The following PLD1 variants were observed in gnomAD, a reference collection of about 807,000 sequenced individuals.
The protein encoded by PLD1 is choline phosphatase 1.
A neutral mutation model predicts 137.1 loss-of-function variants in PLD1; 112 were observed. The ratio of observed to expected loss-of-function variants is 0.82; its 90% CI spans 0.70 to 0.96. PLD1 has a LOEUF of 0.96. Ranked by LOEUF, PLD1 falls within the 40% of genes least tolerant of loss-of-function variation. The pLI is 0.00. For synonymous variants in PLD1, 431 were observed against 454.7 expected, an observed-to-expected ratio of 0.95 and a Z score of 0.66; for missense variants, 1,321 against 1,342.0, an observed-to-expected ratio of 0.98 and a Z score of 0.24.
Position 171,714,006 on chromosome 3 carries a change from T to C in PLD1, c.798A>G (p.Lys266=), listed in dbSNP as rs776362365. The C allele has an allele frequency of 1.9e-6, 3 of 1,608,998 alleles. No individual in the cohort carries two copies. In the Admixed American group the frequency reaches 5.0e-5, roughly 27 times the overall value. ...CGAAGGCAATGGCACCGCTGTCTGGTTTCATATACAATAAAAAGGAATCTT... is the reference window on the plus strand; with the variant it reads ...CGAAGGCAATGGCACCGCTGTCTGGCTTCATATACAATAAAAAGGAATCTT... The part of the protein sequence containing the change: ...IVKDSFLLYM[K]PDSGAIAFVL... Residue 266 remains lysine (K), a synonymous_variant, in exon 9 of 27, where the codon AAA becomes AAG. Coordinates refer to ENST00000351298, the MANE Select transcript of PLD1 (RefSeq NM_002662.5).
At chr3:171,721,411 T>C (rs907713951) in intron 8 of PLD1, 2 of 152,264 alleles carry the variant, frequency 1.3e-5, no homozygotes, top group African/African-American at 4.8e-5. Flanking sequence ...GGAGACAGTG[T>C]AGAGACTGCT....
At chr3:171,658,265 T>C (rs1737378415) in intron 21 of PLD1, among the ~76,000 whole-genome samples, 1 of 152,166 alleles carries the variant, frequency 6.6e-6, no homozygotes, top group African/African-American at 2.4e-5. Flanking sequence ...TGGCAGTTCC[T>C]CAAAATGTTA....
intron 21 of PLD1, among the ~76,000 whole-genome samples, chr3:171,650,163 G>A (rs1213014803): frequency 6.6e-6 from 1 of 152,168 alleles, no homozygotes; most frequent in African/African-American, 2.4e-5. Context: ...GATTCTCTAA[G>A]CTGAGGCAGG....
intron 6 of PLD1, among the ~76,000 whole-genome samples, chr3:171,731,705 G>A (rs1278100520): frequency 2.0e-5 from 3 of 151,996 alleles, no homozygotes; most frequent in Non-Finnish European, 4.4e-5. Context: ...CCGGGAGGCG[G>A]CGGTTGCAGT....
At chr3:171,706,124 G>GTCTATCTATCTATCTATCTA (rs59943551) in intron 11 of PLD1, among the ~76,000 whole-genome samples, 22 of 146,774 alleles carry the variant, frequency 1.5e-4, no homozygotes, top group East Asian at 2.0e-4. Flanking sequence ...GGGTCAGTCA[G>GTCTATCTATCTATCTATCTA]TCTATCTATC....
At chr3:171,796,850 T>A (rs896567351) in intron 1 of PLD1, among the ~76,000 whole-genome samples, 1 of 152,118 alleles carries the variant, frequency 6.6e-6, no homozygotes, top group African/African-American at 2.4e-5. Context: ...ATCTTCATGC[T>A]CTTCTTCAGC....
In PLD1 at chr3:171,644,531, A is replaced by G. The variant is rs562907120; in HGVS notation, c.2543+379T>C. 2.0e-4 allele frequency among the ~76,000 whole-genome samples: 31 copies of G among 152,328 alleles called. No homozygotes were observed. In the South Asian group the frequency reaches 2.1e-3, roughly 10 times the overall value. ...TACCTAAAGAATCATAACCAAACAC[A>G]AGCAAATCTTACCATTTCAGGCATT... On this transcript the variant is annotated intron_variant, in intron 22 of 26. Transcript: ENST00000351298.
intron 8 of PLD1, 125 bp downstream of exon 8, chr3:171,724,571 A>G: frequency 3.2e-6 from 2 of 618,648 alleles, no homozygotes; most frequent in Non-Finnish European, 2.9e-6. Context: ...GGATTTTAAA[A>G]TATAATTAAA....
intron 6 of PLD1, among the ~76,000 whole-genome samples, chr3:171,727,186 G>A (rs993105640): frequency 6.6e-6 from 1 of 152,116 alleles, no homozygotes; most frequent in Non-Finnish European, 1.5e-5. Context: ...GCAATGGGCA[G>A]GATTTGGTCC....
chr3:171,770,619 C>T (rs1026632585), intron 1 of PLD1, among the ~76,000 whole-genome samples: 12 of 152,034 alleles, frequency 7.9e-5, no homozygotes, highest in Non-Finnish European at 1.2e-4. Flanking sequence ...AGGTGGCTCA[C>T]GCCTGTAATC....
intron 9 of PLD1, among the ~76,000 whole-genome samples, chr3:171,713,226 G>A (rs1329003137): frequency 4.6e-5 from 7 of 152,274 alleles, no homozygotes; most frequent in Admixed American, 1.3e-4. Flanking sequence ...GTGGAAGGCC[G>A]AGGCAGACAG....
chr3:171,692,056 T>G (rs1715212742), intron 13 of PLD1, among the ~76,000 whole-genome samples: 1 of 152,162 alleles, frequency 6.6e-6, no homozygotes, highest in Non-Finnish European at 1.5e-5. Flanking sequence ...ATAGAGCTCG[T>G]GAATATCAAA....
chr3:171,747,350 A>G (rs1185831202), intron 1 of PLD1, among the ~76,000 whole-genome samples: 1 of 152,154 alleles, frequency 6.6e-6, no homozygotes, highest in Admixed American at 6.5e-5. Context: ...ACACTGATAC[A>G]AAACAGTCGA....
intron 18 of PLD1, 49 bp downstream of exon 18, chr3:171,676,666 G>A (rs550780497): frequency 7.1e-7 from 1 of 1,402,114 alleles, no homozygotes; most frequent in Non-Finnish European, 1.0e-6. Flanking sequence ...TCTCTAGTTA[G>A]GCCTGCCTCT....
intron 23 of PLD1, among the ~76,000 whole-genome samples, chr3:171,623,861 T>C (rs1306456974): frequency 1.3e-5 from 2 of 152,096 alleles, no homozygotes; most frequent in East Asian, 3.9e-4. Context: ...ACTCCAAATT[T>C]TTTTTAACAA....
chr3:171,715,793 G>C lies in PLD1; in HGVS notation c.759-1748C>G, dbSNP rs1430160687. 3.9e-5 allele frequency among the ~76,000 whole-genome samples: 6 copies of C among 151,976 alleles called. No homozygotes were observed. The East Asian group carries it at 1.2e-3, about 29-fold the overall frequency. On this transcript the variant is annotated intron_variant, in intron 8 of 26. Coordinates refer to ENST00000351298, the MANE Select transcript of PLD1 (RefSeq NM_002662.5). Reference sequence around the variant, plus strand: ...TTTTAACTTTTACTTTGGGTTCAGAGGTACACATACAGGTTTGTTACATAG... The same window carrying C: ...TTTTAACTTTTACTTTGGGTTCAGACGTACACATACAGGTTTGTTACATAG...
At chr3:171,703,562 AT>A (rs1356296475) in intron 11 of PLD1, among the ~76,000 whole-genome samples, 1 of 152,214 alleles carries the variant, frequency 6.6e-6, no homozygotes, top group African/African-American at 2.4e-5. Flanking sequence ...TTAAAATATA[AT>A]TTACAATAAT....
intron 24 of PLD1, among the ~76,000 whole-genome samples, chr3:171,616,112 G>A (rs1733086821): frequency 6.6e-6 from 1 of 152,124 alleles, no homozygotes; most frequent in Admixed American, 6.5e-5. Context: ...GCTTGGGTAT[G>A]TTCTTTTTGA....
chr3:171,757,565 CT>C (rs1468300908), intron 1 of PLD1, among the ~76,000 whole-genome samples: 1 of 152,110 alleles, frequency 6.6e-6, no homozygotes, highest in Non-Finnish European at 1.5e-5. Flanking sequence ...AAACAGAGTC[CT>C]TTTGAAATCA....
Sources: gnomAD v4.1 joint callset for allele counts (sites outside exome capture counted in the v4.1 genomes callset) on GRCh38, gnomAD v4.1.1 for gene constraint, MANE v1.5 for transcripts, NCBI Gene and HGNC (gene_info 2026-07-23, HGNC 2026-07-21) for gene names.